Variants in ASH1L observed in about 807,000 individuals in gnomAD.
ASH1L encodes histone-lysine N-methyltransferase ASH1L.
Under a neutral mutation model 269.0 loss-of-function variants are expected in ASH1L, and 23 were observed. The observed-to-expected ratio is 0.09, with a 90% CI of 0.06 to 0.12. The LOEUF (loss-of-function observed/expected upper bound fraction) is 0.12. ASH1L is among the 10% of genes least tolerant of loss of function. The probability of loss-of-function intolerance (pLI) is 1.00; values close to 1 mark genes in which losing one functional copy is unlikely to be tolerated. For missense variants in ASH1L, 2,912 were observed against 3,567.8 expected (o/e 0.82, Z 4.68); for synonymous variants, 1,187 against 1,253.5 (o/e 0.95, Z 1.12).
At chr1:155,526,214 C>T (rs983219472) in intron 1 of ASH1L, among the ~76,000 whole-genome samples, 2 of 152,110 alleles carry the variant, frequency 1.3e-5, no homozygotes, top group Non-Finnish European at 2.9e-5. Flanking sequence ...CAATAAATAG[C>T]TGAATAAATG....
At position 155,478,063 on chromosome 1, in the gene ASH1L, G is replaced by A. The variant is rs901332286; in HGVS notation, c.4807C>T (p.His1603Tyr). 5 of 1,614,160 alleles carry A rather than the reference G, an allele frequency of 3.1e-6. No individual in the cohort carries two copies. Among genetic ancestry groups the A allele is most frequent in the Non-Finnish European group, 4.2e-6 (5 of 1,180,038 alleles). Reference sequence around the variant, plus strand: ...ATTGCACTTGTGAAAAGGTTTGTATGTTCATCACTGCTGGCTGGCTCAGAG... The same window carrying A: ...ATTGCACTTGTGAAAAGGTTTGTATATTCATCACTGCTGGCTGGCTCAGAG... ...PNSEPASSDE[H>Y]TNLFTSAIGS... Residue 1603 changes from histidine (H) to tyrosine (Y), a missense_variant, in exon 3 of 28, where the codon CAT becomes TAT. This residue lies in a region of ASH1L where 789 missense variants were observed against 897.6 expected (regional missense o/e 0.88). Transcript: ENST00000392403. This position sits in a 1 kb window ranked among gnomAD's most constrained non-coding sequence, Gnocchi z 4.6.
chr1:155,350,944 G>GAA (rs1334081311), intron 17 of ASH1L, among the ~76,000 whole-genome samples: 6 of 130,122 alleles, frequency 4.6e-5, no homozygotes, highest in Admixed American at 1.6e-4. Context: ...AAAAGAAAAA[G>GAA]AAAAAAAAAA....
At chr1:155,368,504 C>T (rs1337028846) in intron 12 of ASH1L, among the ~76,000 whole-genome samples, 2 of 151,598 alleles carry the variant, frequency 1.3e-5, no homozygotes, top group Non-Finnish European at 2.9e-5. Context: ...GTTGCCCAGG[C>T]TGGGGTGTAG....
intron 1 of ASH1L, 64 bp downstream of exon 1, chr1:155,562,089 G>A (rs1289165978): frequency 1.8e-6 from 2 of 1,104,924 alleles, no homozygotes; most frequent in Admixed American, 2.2e-5. Context: ...CTCCCAGAAA[G>A]CCCAGGATTC....
chr1:155,548,827 T>C (rs72704194), intron 1 of ASH1L, among the ~76,000 whole-genome samples: 6,713 of 152,264 alleles, frequency 0.044, 186 homozygotes, highest in Middle Eastern at 0.082. Flanking sequence ...AAGTTTATAT[T>C]TGCCCTGACC....
rs142381419 is a variant in ASH1L at position 155,391,677 on chromosome 1, G to A, written c.6103+3782C>T. On this transcript the variant is annotated intron_variant, in intron 7 of 27. Coordinates refer to ENST00000392403, the MANE Select transcript of ASH1L (RefSeq NM_018489.3). Reference sequence around the variant, plus strand: ...CCTATGAAAATAACTGGTTTCGGCCGGGCACAGTGGCTCATGCCTGTAATC... The same window carrying A: ...CCTATGAAAATAACTGGTTTCGGCCAGGCACAGTGGCTCATGCCTGTAATC... Among the ~76,000 whole-genome samples, 630 of 152,182 alleles carry A rather than the reference G, an allele frequency of 4.1e-3. 4 individuals are homozygous for A. Among genetic ancestry groups the A allele is most frequent in the Middle Eastern group, 6.8e-3 (2 of 294 alleles).
At chr1:155,473,096 A>G (rs575391127) in intron 3 of ASH1L, among the ~76,000 whole-genome samples, 14 of 152,352 alleles carry the variant, frequency 9.2e-5, no homozygotes, top group African/African-American at 3.4e-4. Flanking sequence ...TGGAAGTTGT[A>G]TTGGTTAATA....
rs139373080 is a variant in ASH1L, at chr1:155,542,681, ATT to A, written c.-100+19470_-100+19471del. 2.9e-3 allele frequency among the ~76,000 whole-genome samples: 375 copies of A among 127,308 alleles called. 2 individuals are homozygous for A. The highest frequency in any genetic ancestry group is 5.0e-3 in the African/African-American group (182 of 36,394). 83.5% of individuals were successfully genotyped at this position (127,308 alleles called of 152,430 possible). A position where few individuals can be genotyped will look rare whatever the true frequency, so the allele number is the denominator to read the frequency against. The stretch of plus-strand genomic sequence containing the variant: ...AATTCATGCTGTAATTAATTAATTA[ATT>A]TTTTTTTTTTTTTTGAGAAGGAGTC... On this transcript the variant is annotated intron_variant, in intron 1 of 27. Transcript: ENST00000392403.
chr1:155,479,161 T>C lies in ASH1L; in HGVS notation c.3709A>G (p.Thr1237Ala), dbSNP rs1409413641. The change falls in exon 3 of 28, where the codon ACC becomes GCC. Residue 1237 changes from threonine (T) to alanine (A), a missense_variant. This residue lies in a region of ASH1L where 789 missense variants were observed against 897.6 expected (regional missense o/e 0.88). Transcript: ENST00000392403. ...FEHVSLIPPE[T>A]STVLSSLKEK... ...TTAAGACTGCTTAGCACTGTAGAGG[T>C]TTCAGGGGGAATCAGAGAAACATGC... The C allele has an allele frequency of 5.6e-6, 9 of 1,614,054 alleles. No individual in the cohort carries two copies. The highest frequency in any genetic ancestry group is 6.8e-6 in the Non-Finnish European group (8 of 1,180,032).
chr1:155,453,783 A>T (rs1663671678), intron 4 of ASH1L, among the ~76,000 whole-genome samples: 1 of 151,836 alleles, frequency 6.6e-6, no homozygotes, highest in Non-Finnish European at 1.5e-5. Context: ...TGGGCAACAG[A>T]GGGAGACTGC....
chr1:155,436,450 C>T (rs1265583274), intron 5 of ASH1L, among the ~76,000 whole-genome samples: 2 of 149,790 alleles, frequency 1.3e-5, no homozygotes, highest in African/African-American at 4.9e-5. Flanking sequence ...CCTCAGCCTC[C>T]CAAAGTGCTG....
chr1:155,472,720 T>C (rs1319046974), intron 3 of ASH1L, among the ~76,000 whole-genome samples: 1 of 152,218 alleles, frequency 6.6e-6, no homozygotes, highest in Non-Finnish European at 1.5e-5. Context: ...ATCCACGAAA[T>C]GTGGACTAAT....
intron 1 of ASH1L, among the ~76,000 whole-genome samples, chr1:155,537,937 T>C (rs968563834): frequency 2.0e-5 from 3 of 152,160 alleles, no homozygotes; most frequent in South Asian, 2.1e-4. Context: ...CTACCAGACT[T>C]CCAGATGTTG....
At chr1:155,452,994 T>C (rs1206528821) in intron 4 of ASH1L, among the ~76,000 whole-genome samples, 2 of 152,206 alleles carry the variant, frequency 1.3e-5, no homozygotes, top group African/African-American at 4.8e-5. Context: ...TTAGGCCATT[T>C]TTTTGGAGTT....
chr1:155,539,269 G>A (rs931890976), intron 1 of ASH1L, among the ~76,000 whole-genome samples: 1 of 150,342 alleles, frequency 6.7e-6, no homozygotes, highest in Non-Finnish European at 1.5e-5. Flanking sequence ...CAAAACTTCT[G>A]AATGTCACAT....
At chr1:155,356,668 A>G (rs548325880) in intron 15 of ASH1L, among the ~76,000 whole-genome samples, 1 of 151,260 alleles carries the variant, frequency 6.6e-6, no homozygotes, top group Non-Finnish European at 1.5e-5. Flanking sequence ...ACAACAAAAA[A>G]CCAAGGTCTT....
At chr1:155,453,752 T>C (rs909967056) in intron 4 of ASH1L, among the ~76,000 whole-genome samples, 5 of 151,730 alleles carry the variant, frequency 3.3e-5, no homozygotes, top group African/African-American at 4.8e-5. Flanking sequence ...TAAGCCGAGA[T>C]TGCACCATTG....
At position 155,357,610 on chromosome 1, in the gene ASH1L, T is replaced by C; in HGVS notation, c.6935A>G (p.Lys2312Arg). 2 of 1,614,144 alleles carry C rather than the reference T, an allele frequency of 1.2e-6. No individual in the cohort carries two copies. The highest frequency in any genetic ancestry group is 1.1e-5 in the South Asian group (1 of 91,082). ...CCTTTTCTTCAGCTTGTGCTTAGAC[T>C]TTCTCTTCTCTTTTGACCGTCCAGA... ...KKSGRSKEKRKSKHKLKKRRG... is the reference protein window; with the variant it reads ...KKSGRSKEKRRSKHKLKKRRG... Residue 2312 changes from lysine to arginine, a missense_variant, in exon 14 of 28, where the codon AAG becomes AGG. Physicochemically the swap from Lys to Arg is conservative, Grantham distance 26 (BLOSUM62 2). Around this residue, in one of 13 missense-constraint regions of ASH1L, gnomAD observed 309 missense variants for 435.1 expected, o/e 0.71. Transcript: ENST00000392403.
rs764439561 is a variant in ASH1L at position 155,480,449 on chromosome 1, G to A, written c.2421C>T (p.His807=). The A allele has an allele frequency of 6.2e-7, 1 of 1,614,008 alleles. No homozygotes were observed. Among genetic ancestry groups the A allele is most frequent in the African/African-American group, 1.3e-5 (1 of 74,926 alleles). The part of the protein sequence containing the change: ...EKPSHKSFAT[H]KLSSSMCVSS... ...AGACACACATACTGGAGGATAGTTT[G>A]TGAGTAGCAAAAGACTTATGAGATG... Residue 807 remains histidine (H), a synonymous_variant, in exon 3 of 28, where the codon CAC becomes CAT. Transcript: ENST00000392403.
Sources: allele counts gnomAD v4.1 joint callset (sites outside exome capture counted in the v4.1 genomes callset), GRCh38; gene constraint gnomAD v4.1.1; regional missense constraint gnomAD v4.1.1; non-coding constraint Gnocchi (gnomAD v3.1); transcripts MANE v1.5; gene names NCBI Gene and HGNC (gene_info 2026-07-23, HGNC 2026-07-21).